The following PRIMA1 variants were observed in gnomAD, a reference collection of about 807,000 sequenced individuals.
The protein encoded by PRIMA1 is proline-rich membrane anchor 1.
Under a neutral mutation model 17.5 loss-of-function variants are expected in PRIMA1, and 7 were observed. The observed-to-expected ratio is 0.40, with a 90% CI of 0.23 to 0.75. The LOEUF is 0.75. Among genes scored for constraint, PRIMA1 ranks in the 30% least tolerant of loss-of-function variants. The pLI is 0.37. For missense variants in PRIMA1, 200 were observed against 201.8 expected, an observed-to-expected ratio of 0.99 and a Z score of 0.05; for synonymous variants, 97 against 77.9, an observed-to-expected ratio of 1.25 and a Z score of -1.29.
chr14:93,754,528 C>G (rs536963205), intron 3 of PRIMA1, among the ~76,000 whole-genome samples: 1 of 152,152 alleles, frequency 6.6e-6, no homozygotes, highest in Non-Finnish European at 1.5e-5. Flanking sequence ...TAAACTCAAC[C>G]GAAGAGACTG....
At chr14:93,770,617 C>T (rs1415044494) in intron 3 of PRIMA1, among the ~76,000 whole-genome samples, 1 of 152,214 alleles carries the variant, frequency 6.6e-6, no homozygotes, top group African/African-American at 2.4e-5. Context: ...CCCAGTTACT[C>T]CTATCAAATC....
At chr14:93,786,632 C>T (rs1410415176) in intron 2 of PRIMA1, among the ~76,000 whole-genome samples, 1 of 152,018 alleles carries the variant, frequency 6.6e-6, no homozygotes, top group Non-Finnish European at 1.5e-5. Flanking sequence ...CTACAAATAC[C>T]CCAGAGTGGA....
chr14:93,726,130 G>A lies in PRIMA1; in HGVS notation c.360-4584C>T. ...CCTGCCCTGGGCTTGGAGGGCAGCA[G>A]GCTCCCACATTCCCTGCTCGGAGTG... On this transcript the variant is annotated intron_variant, in intron 4 of 4. Transcript: ENST00000393140. The surrounding 1 kb of genome is among the most constrained non-coding windows in gnomAD (Gnocchi z 4.2). The A allele has an allele frequency of 8.9e-6, 4 of 449,720 alleles. No individual in the cohort carries two copies. Among genetic ancestry groups the A allele is most frequent in the South Asian group, 6.3e-5 (4 of 63,736 alleles). 27.9% of individuals were successfully genotyped at this position (449,720 alleles called of 1,614,324 possible). A position where few individuals can be genotyped will look rare whatever the true frequency, so the allele number is the denominator to read the frequency against.
In PRIMA1 at chr14:93,721,193, T is replaced by G; in HGVS notation, c.*251A>C. On this transcript the variant is annotated 3_prime_UTR_variant, in exon 5 of 5. Coordinates refer to ENST00000393140, the MANE Select transcript of PRIMA1 (RefSeq NM_178013.4). ...ACCAGACACCAGACAGGGAGGAGGA[T>G]GTGGAGGGCCTGGGGTGGGGACACT... 1 of 475,870 alleles carries G rather than the reference T, an allele frequency of 2.1e-6. No individual in the cohort carries two copies. The allele number at this position is 475,870 out of a possible 1,614,324, so 29.5% of individuals were successfully genotyped here.
intron 4 of PRIMA1, among the ~76,000 whole-genome samples, chr14:93,734,933 G>A (rs2076140227): frequency 6.6e-6 from 1 of 152,112 alleles, no homozygotes; most frequent in South Asian, 2.1e-4. Flanking sequence ...CCCTTCCTGG[G>A]AGCCCCCAGC....
intron 2 of PRIMA1, among the ~76,000 whole-genome samples, chr14:93,786,155 G>T (rs75744899): frequency 6.6e-6 from 1 of 152,122 alleles, no homozygotes; most frequent in African/African-American, 2.4e-5. Context: ...ATCTAAAAAC[G>T]AAGTGAACTC....
At chr14:93,785,992 C>T (rs1885514777) in intron 2 of PRIMA1, among the ~76,000 whole-genome samples, 3 of 152,124 alleles carry the variant, frequency 2.0e-5, no homozygotes, top group African/African-American at 7.2e-5. Flanking sequence ...ATTATTTCTT[C>T]TGGGAGGAGT....
chr14:93,780,674 C>T (rs777356539), intron 2 of PRIMA1, among the ~76,000 whole-genome samples: 3 of 152,164 alleles, frequency 2.0e-5, no homozygotes, highest in Non-Finnish European at 2.9e-5. Context: ...GGAGCTGGGC[C>T]TGGGGATTTT....
At chr14:93,728,189 G>A (rs1218852096) in intron 4 of PRIMA1, among the ~76,000 whole-genome samples, 1 of 152,222 alleles carries the variant, frequency 6.6e-6, no homozygotes, top group Non-Finnish European at 1.5e-5. Context: ...GCTCATTTGA[G>A]TGCACACAAC....
intron 3 of PRIMA1, among the ~76,000 whole-genome samples, chr14:93,744,506 C>T (rs746731246): frequency 2.6e-5 from 4 of 152,256 alleles, no homozygotes; most frequent in Admixed American, 2.0e-4. Flanking sequence ...CCGAAGGCAA[C>T]CAGAGCATGT....
chr14:93,767,412 G>A (rs553158414), intron 3 of PRIMA1, among the ~76,000 whole-genome samples: 1 of 152,274 alleles, frequency 6.6e-6, no homozygotes, highest in Admixed American at 6.5e-5. Flanking sequence ...AGGAGGAGCA[G>A]GGAAAGGGAT....
chr14:93,782,091 C>A (rs1185293760), intron 2 of PRIMA1, among the ~76,000 whole-genome samples: 1 of 152,134 alleles, frequency 6.6e-6, no homozygotes, highest in Non-Finnish European at 1.5e-5. Context: ...CAGAGTGAAA[C>A]CCTGTCTTTA....
At chr14:93,723,488 C>A (rs1207082339) in intron 4 of PRIMA1, among the ~76,000 whole-genome samples, 6 of 150,116 alleles carry the variant, frequency 4.0e-5, no homozygotes, top group African/African-American at 1.5e-4. Flanking sequence ...ATCAGGCCCA[C>A]TCAGAGACTA....
At chr14:93,735,757 T>C (rs2076145772) in intron 4 of PRIMA1, among the ~76,000 whole-genome samples, 1 of 149,328 alleles carries the variant, frequency 6.7e-6, no homozygotes, top group Admixed American at 6.7e-5. Context: ...AGTGGTGTGC[T>C]CTCAGCGCAC....
At chr14:93,723,796 A>T (rs1294525814) in intron 4 of PRIMA1, among the ~76,000 whole-genome samples, 1 of 152,190 alleles carries the variant, frequency 6.6e-6, no homozygotes. Context: ...GAGAGGGCTT[A>T]ATTTGCCCAA....
At chr14:93,758,693 C>T (rs1001970652) in intron 3 of PRIMA1, among the ~76,000 whole-genome samples, 3 of 152,136 alleles carry the variant, frequency 2.0e-5, no homozygotes, top group Non-Finnish European at 2.9e-5. Context: ...CACAGACACT[C>T]TTGTCTTCCA....
intron 2 of PRIMA1, among the ~76,000 whole-genome samples, chr14:93,779,813 C>T (rs551181800): frequency 1.3e-5 from 2 of 152,072 alleles, no homozygotes; most frequent in Non-Finnish European, 2.9e-5. Context: ...TGGGGCAAGG[C>T]CCCCCTCTCT....
chr14:93,746,659 C>T (rs1258395088), intron 3 of PRIMA1, among the ~76,000 whole-genome samples: 2 of 152,024 alleles, frequency 1.3e-5, no homozygotes, highest in African/African-American at 4.8e-5. Flanking sequence ...TGTGTTTAAA[C>T]TGGGTGTGTG....
chr14:93,777,816 T>C (rs377641604), intron 3 of PRIMA1, among the ~76,000 whole-genome samples: 4 of 152,140 alleles, frequency 2.6e-5, no homozygotes, highest in Admixed American at 2.0e-4. Context: ...GCCAGGACGG[T>C]CCTTCTCCTC....
Sources: allele counts gnomAD v4.1 joint callset (sites outside exome capture counted in the v4.1 genomes callset), GRCh38; gene constraint gnomAD v4.1.1; non-coding constraint Gnocchi (gnomAD v3.1); transcripts MANE v1.5; gene names NCBI Gene and HGNC (gene_info 2026-07-23, HGNC 2026-07-21).